Variants in XPNPEP3 observed in about 807,000 individuals in gnomAD.
The protein encoded by XPNPEP3 is X-prolyl aminopeptidase 3, also known as xaa-Pro aminopeptidase 3.
In XPNPEP3, 41 loss-of-function variants were observed where a neutral mutation model predicts 60.0. That is an observed-to-expected ratio of 0.68 (90% confidence interval 0.53 to 0.89). The LOEUF is 0.89. Ranked by LOEUF, XPNPEP3 falls within the 40% of genes least tolerant of loss-of-function variation. The pLI, the probability that XPNPEP3 is intolerant of heterozygous loss-of-function variation, is 0.00. For synonymous variants in XPNPEP3, 212 were observed against 223.2 expected, an observed-to-expected ratio of 0.95 and a Z score of 0.45; for missense variants, 598 against 638.9, an observed-to-expected ratio of 0.94 and a Z score of 0.69.
At position 40,869,757 on chromosome 22, in the gene XPNPEP3, A is replaced by C. The variant is rs370977683; in HGVS notation, c.181+642A>C. On this transcript the variant is annotated intron_variant, in intron 2 of 9. Transcript: ENST00000357137. ...AACTATTGCTCAAATTTAGACCTAA[A>C]GGTTTTTTGTTTTGATTTCTTGCAC... Among the ~76,000 whole-genome samples, 11 of 152,314 alleles carry C rather than the reference A, an allele frequency of 7.2e-5. No individual in the cohort carries two copies. In the East Asian group the frequency reaches 1.2e-3, roughly 16 times the overall value.
Position 40,907,841 on chromosome 22 carries a change from G to T in XPNPEP3, c.855+192G>T, listed in dbSNP as rs544508731. Among the ~76,000 whole-genome samples the T allele has an allele frequency of 8.5e-5, 13 of 152,278 alleles. No homozygotes were observed. The East Asian group carries it at 2.3e-3, about 27-fold the overall frequency. On this transcript the variant is annotated intron_variant, in intron 5 of 9. Coordinates refer to ENST00000357137, the MANE Select transcript of XPNPEP3 (RefSeq NM_022098.4). Reference sequence around the variant, plus strand: ...ACGTTACAATTAAAGGAAGAAAATTGCAAAGTAGCACAGATGATGATGAAG... The same window carrying T: ...ACGTTACAATTAAAGGAAGAAAATTTCAAAGTAGCACAGATGATGATGAAG...
Position 40,932,025 on chromosome 22 carries a change from A to G in XPNPEP3, c.*5590A>G, listed in dbSNP as rs2039206905. On this transcript the variant is annotated 3_prime_UTR_variant, in exon 10 of 10. Coordinates refer to ENST00000357137, the MANE Select transcript of XPNPEP3 (RefSeq NM_022098.4). Reference sequence around the variant, plus strand: ...CCACACCCTGTTCAGCTTTGTTAATAATACAGAGATCAGAAATGTGAAGCA... The same window carrying G: ...CCACACCCTGTTCAGCTTTGTTAATGATACAGAGATCAGAAATGTGAAGCA... 6.6e-6 allele frequency: 1 copy of G among 152,206 alleles called. No homozygotes were observed. Among genetic ancestry groups the G allele is most frequent in the African/African-American group, 2.4e-5 (1 of 41,452 alleles). 9.4% of individuals were successfully genotyped at this position (152,206 alleles called of 1,614,324 possible).
chr22:40,896,667 G>C (rs1485965723), intron 4 of XPNPEP3, among the ~76,000 whole-genome samples: 1 of 151,740 alleles, frequency 6.6e-6, no homozygotes, highest in Non-Finnish European at 1.5e-5. Flanking sequence ...CCATTTTTAA[G>C]TGTATGTCTT....
intron 4 of XPNPEP3, among the ~76,000 whole-genome samples, chr22:40,903,672 TAGAGA>T (rs2058143500): frequency 6.6e-6 from 1 of 152,010 alleles, no homozygotes; most frequent in South Asian, 2.1e-4. Context: ...GTATTTTTAG[TAGAGA>T]CAGGTTTTCA....
In XPNPEP3 at chr22:40,909,171, C is replaced by T; in HGVS notation, c.905C>T (p.Pro302Leu). ...ARGADILAYP[P>L]VVAGGNRSNT... is the part of the protein sequence containing the mutation. ...GGCGCAGACATTTTAGCCTATCCAC[C>T]TGTGGTGGCTGGTGGTAATCGGTCA... The change falls in exon 6 of 10, where the codon CCT becomes CTT. Residue 302 changes from proline to leucine, a missense_variant. Transcript: ENST00000357137. The T allele has an allele frequency of 6.2e-7, 1 of 1,614,174 alleles. No homozygotes were observed. Among genetic ancestry groups the T allele is most frequent in the South Asian group, 1.1e-5 (1 of 91,084 alleles).
At chr22:40,892,711 C>T (rs953337549) in intron 4 of XPNPEP3, among the ~76,000 whole-genome samples, 1 of 152,044 alleles carries the variant, frequency 6.6e-6, no homozygotes, top group Non-Finnish European at 1.5e-5. Flanking sequence ...ATATTGAGTC[C>T]CCCAGGCTTA....
chr22:40,889,514 A>T (rs1226165901), intron 4 of XPNPEP3, among the ~76,000 whole-genome samples: 1 of 152,206 alleles, frequency 6.6e-6, no homozygotes, highest in Non-Finnish European at 1.5e-5. Context: ...TTCACTTCTC[A>T]ATATCATATA....
intron 1 of XPNPEP3, chr22:40,860,717 A>T: frequency 1.1e-6 from 1 of 951,202 alleles, no homozygotes; most frequent in South Asian, 1.6e-5. Context: ...CAGTGGCGTG[A>T]TCCCATTACA....
At chr22:40,903,535 G>A (rs1243269309) in intron 4 of XPNPEP3, among the ~76,000 whole-genome samples, 1 of 151,418 alleles carries the variant, frequency 6.6e-6, no homozygotes, top group East Asian at 1.9e-4. Flanking sequence ...CTGTCGCCCA[G>A]GCTGGAGTGC....
intron 2 of XPNPEP3, among the ~76,000 whole-genome samples, chr22:40,871,712 G>T (rs574357399): frequency 4.6e-4 from 70 of 152,070 alleles, no homozygotes; most frequent in Non-Finnish European, 8.4e-4. Context: ...TTTGCATATT[G>T]CTCTATTATT....
At position 40,931,189 on chromosome 22, in the gene XPNPEP3, C is replaced by T. The variant is rs2058253542; in HGVS notation, c.*4754C>T. 1 of 152,042 alleles carries T rather than the reference C, an allele frequency of 6.6e-6. No homozygotes were observed. Among genetic ancestry groups the T allele is most frequent in the Non-Finnish European group, 1.5e-5 (1 of 68,026 alleles). The allele number at this position is 152,042 out of a possible 1,614,324, so 9.4% of individuals were successfully genotyped here. ...TATAATAAATAATATATATACCAGG[C>T]ATTCCTATTAAAAATCTTAACTTAA... On this transcript the variant is annotated 3_prime_UTR_variant, in exon 10 of 10. Transcript: ENST00000357137.
chr22:40,909,978 G>A (rs938749387), intron 6 of XPNPEP3, among the ~76,000 whole-genome samples: 20 of 151,850 alleles, frequency 1.3e-4, no homozygotes, highest in African/African-American at 4.4e-4. Flanking sequence ...TTAGCTGTGA[G>A]GGAACATATC....
chr22:40,916,776 G>A (rs749853872), intron 7 of XPNPEP3, among the ~76,000 whole-genome samples: 1 of 152,034 alleles, frequency 6.6e-6, no homozygotes, highest in Non-Finnish European at 1.5e-5. Flanking sequence ...TGAATATTTG[G>A]GTGATAAAAA....
chr22:40,875,540 T>A (rs1045255821), intron 2 of XPNPEP3, among the ~76,000 whole-genome samples: 2 of 152,180 alleles, frequency 1.3e-5, no homozygotes. Flanking sequence ...ACATGTCTAG[T>A]ACATATTGAT....
chr22:40,866,078 G>C (rs2057977170), intron 1 of XPNPEP3, among the ~76,000 whole-genome samples: 1 of 152,038 alleles, frequency 6.6e-6, no homozygotes, highest in African/African-American at 2.4e-5. Flanking sequence ...AGGCTTTCCT[G>C]TTGCATGTAG....
At chr22:40,861,110 C>CT (rs768619916) in intron 1 of XPNPEP3, 7 of 1,610,626 alleles carry the variant, frequency 4.3e-6, no homozygotes, top group East Asian at 2.2e-5. Flanking sequence ...CTTTACGCTT[C>CT]TTTTTTTTCC....
At chr22:40,879,596 C>T (rs952903027) in intron 2 of XPNPEP3, among the ~76,000 whole-genome samples, 2 of 151,548 alleles carry the variant, frequency 1.3e-5, no homozygotes, top group African/African-American at 4.9e-5. Context: ...AATCCCAGCA[C>T]TTTGGGAGGA....
chr22:40,881,875 C>A lies in XPNPEP3; in HGVS notation c.287C>A (p.Thr96Lys). The A allele has an allele frequency of 6.2e-7, 1 of 1,614,182 alleles. No individual in the cohort carries two copies. The highest frequency in any genetic ancestry group is 1.1e-5 in the South Asian group (1 of 91,084). Reference protein sequence around the residue: ...EAQGQSGTDQTVVVLSNPTYY... With the variant: ...EAQGQSGTDQKVVVLSNPTYY... The stretch of plus-strand genomic sequence containing the variant: ...CAAGGGCAGAGTGGGACAGACCAGA[C>A]AGTGGTTGTGCTCTCCAACCCTACA... Residue 96 changes from threonine (T) to lysine (K), a missense_variant, in exon 3 of 10, where the codon ACA (threonine) becomes AAA (lysine). Coordinates refer to ENST00000357137, the MANE Select transcript of XPNPEP3 (RefSeq NM_022098.4).
chr22:40,915,784 A>G (rs978094609), intron 7 of XPNPEP3, among the ~76,000 whole-genome samples: 1 of 152,214 alleles, frequency 6.6e-6, no homozygotes, highest in Admixed American at 6.5e-5. Context: ...CAGAATATTT[A>G]AAAATCCTTG....
Sources: gnomAD v4.1 joint callset for allele counts (sites outside exome capture counted in the v4.1 genomes callset) on GRCh38, gnomAD v4.1.1 for gene constraint, MANE v1.5 for transcripts, NCBI Gene and HGNC (gene_info 2026-07-23, HGNC 2026-07-21) for gene names.